Variants in FIG4 observed in about 807,000 individuals in gnomAD.
FIG4 encodes the protein polyphosphoinositide phosphatase.
Under a neutral mutation model 118.6 loss-of-function variants are expected in FIG4, and 112 were observed. That is an observed-to-expected ratio of 0.94 (90% CI 0.81 to 1.11). The LOEUF is 1.11. FIG4 is among the 50% of genes least tolerant of loss of function. FIG4 has a pLI of 0.00. For synonymous variants in FIG4, 369 were observed against 381.2 expected (o/e 0.97, Z 0.37); for missense variants, 969 against 1,111.7 (o/e 0.87, Z 1.83).
At chr6:109,743,393 T>A in intron 9 of FIG4, 121 bp downstream of exon 9, 1 of 935,680 alleles carries the variant, frequency 1.1e-6, no homozygotes, top group Non-Finnish European at 1.7e-6. Flanking sequence ...GGAAGGTAGA[T>A]AATTTAGAAG....
intron 22 of FIG4, among the ~76,000 whole-genome samples, chr6:109,802,624 T>C (rs1252568491): frequency 2.6e-5 from 4 of 152,244 alleles, no homozygotes; most frequent in Non-Finnish European, 5.9e-5. Flanking sequence ...GCATCTCTTC[T>C]GGATCCACAA....
chr6:109,798,958 G>A (rs1179325469), intron 22 of FIG4, among the ~76,000 whole-genome samples: 2 of 152,096 alleles, frequency 1.3e-5, no homozygotes, highest in African/African-American at 2.4e-5. Flanking sequence ...AAATGTGCTA[G>A]TAAAATAAGA....
intron 16 of FIG4, among the ~76,000 whole-genome samples, chr6:109,781,632 T>C (rs1777805681): frequency 6.6e-6 from 1 of 151,534 alleles, no homozygotes; most frequent in Non-Finnish European, 1.5e-5. Context: ...CTGTTAGAAC[T>C]CCTAAGTCTT....
At chr6:109,766,998 A>G in intron 15 of FIG4, 103 bp downstream of exon 15, 1 of 968,770 alleles carries the variant, frequency 1.0e-6, no homozygotes, top group Non-Finnish European at 1.6e-6. Context: ...TTAATATTTT[A>G]AAAGTTTAAA....
intron 1 of FIG4, among the ~76,000 whole-genome samples, chr6:109,712,088 T>C (rs536238625): frequency 1.6e-3 from 251 of 152,366 alleles, no homozygotes; most frequent in African/African-American, 5.9e-3. Flanking sequence ...TGGCCCCCAA[T>C]CTCTTCTGGC....
chr6:109,712,227 G>A (rs1038153784), intron 1 of FIG4, among the ~76,000 whole-genome samples: 1 of 152,276 alleles, frequency 6.6e-6, no homozygotes, highest in Admixed American at 6.5e-5. Context: ...TGATGATAAT[G>A]TGCCTTGGGG....
intron 15 of FIG4, among the ~76,000 whole-genome samples, chr6:109,775,271 C>T (rs984597613): frequency 2.6e-5 from 4 of 152,156 alleles, no homozygotes; most frequent in African/African-American, 9.7e-5. Flanking sequence ...CTCATTAGGG[C>T]TGGCCTTATA....
chr6:109,721,213 C>T (rs1298567608), intron 3 of FIG4, among the ~76,000 whole-genome samples: 1 of 152,036 alleles, frequency 6.6e-6, no homozygotes, highest in Non-Finnish European at 1.5e-5. Context: ...AGTGAAAACA[C>T]CAAAAAAGTG....
chr6:109,700,321 G>GT (rs1774868679), intron 1 of FIG4, among the ~76,000 whole-genome samples: 1 of 152,072 alleles, frequency 6.6e-6, no homozygotes, highest in South Asian at 2.1e-4. Context: ...AGATAAAGCA[G>GT]TATATCCTTA....
chr6:109,783,490 G>A lies in FIG4; in HGVS notation c.1890-1480G>A, dbSNP rs1051877786. On this transcript the variant is annotated intron_variant, in intron 16 of 22. Coordinates refer to ENST00000230124, the MANE Select transcript of FIG4 (RefSeq NM_014845.6). ...CTCTTGTGTTTTTTCTTTCAGGTGC[G>A]AAACTTGTTATGGCTAGGGAGGATA... Among the ~76,000 whole-genome samples the A allele has an allele frequency of 2.0e-5, 3 of 152,120 alleles. 1 individual carries two copies. The highest frequency in any genetic ancestry group is 1.3e-4 in the Admixed American group (2 of 15,272).
intron 7 of FIG4, among the ~76,000 whole-genome samples, chr6:109,739,348 T>C (rs1391786809): frequency 1.3e-5 from 2 of 152,164 alleles, no homozygotes; most frequent in Non-Finnish European, 2.9e-5. Context: ...GCATGTACCA[T>C]CTAGAAGTGG....
intron 21 of FIG4, among the ~76,000 whole-genome samples, chr6:109,795,095 GTTTTTTTTTTTTTTTTTTTTTTTT>G (rs571649446): frequency 1.2e-4 from 7 of 57,194 alleles, no homozygotes; most frequent in Non-Finnish European, 2.4e-4. Flanking sequence ...ACACTTGCCA[GTTTTTTTTTTTTTTTTTTTTTTTT>G]TTTTTTTTTT....
intron 22 of FIG4, among the ~76,000 whole-genome samples, chr6:109,823,150 G>T (rs1175425638): frequency 1.3e-5 from 2 of 152,080 alleles, no homozygotes; most frequent in Admixed American, 6.6e-5. Context: ...TTGCCAGACT[G>T]CAGTGTCTTT....
intron 18 of FIG4, among the ~76,000 whole-genome samples, chr6:109,788,508 C>G (rs960723279): frequency 3.3e-5 from 5 of 152,172 alleles, no homozygotes; most frequent in Non-Finnish European, 7.4e-5. Flanking sequence ...TGTTCAGCCT[C>G]AGCTGAGAAC....
At chr6:109,808,863 G>A (rs1361183663) in intron 22 of FIG4, among the ~76,000 whole-genome samples, 4 of 151,934 alleles carry the variant, frequency 2.6e-5, no homozygotes, top group Admixed American at 1.3e-4. Context: ...GAGATCAGTA[G>A]CAGTCTTAAC....
At chr6:109,773,892 T>G (rs1398030420) in intron 15 of FIG4, among the ~76,000 whole-genome samples, 1 of 152,120 alleles carries the variant, frequency 6.6e-6, no homozygotes, top group African/African-American at 2.4e-5. Context: ...GGCTGGTTCC[T>G]AACTCCTGGG....
At chr6:109,761,254 G>A (rs1013644528) in intron 11 of FIG4, among the ~76,000 whole-genome samples, 6 of 151,580 alleles carry the variant, frequency 4.0e-5, no homozygotes, top group Non-Finnish European at 5.9e-5. Flanking sequence ...GCAGTGGTAC[G>A]ATCTCAGCTT....
Position 109,716,531 on chromosome 6 carries a change from G to A in FIG4, c.252G>A (p.Ser84=), listed in dbSNP as rs532895784. ...CAAAGATGGGACAGAAAGGATCCTC[G>A]GGCTTATTTCGAGCGGTTTCAGCTT... ...NRTKMGQKGS[S]GLFRAVSAFG... Residue 84 remains serine (S), a synonymous_variant, in exon 3 of 23, where the codon TCG becomes TCA. Transcript: ENST00000230124. 34 of 1,613,900 alleles carry A rather than the reference G, an allele frequency of 2.1e-5. No homozygotes were observed. Among genetic ancestry groups the A allele is most frequent in the African/African-American group, 4.0e-5 (3 of 75,030 alleles).
At chr6:109,801,437 A>G (rs181533340) in intron 22 of FIG4, among the ~76,000 whole-genome samples, 1 of 152,014 alleles carries the variant, frequency 6.6e-6, no homozygotes, top group East Asian at 1.9e-4. Flanking sequence ...AATCCCAGCT[A>G]CTCGGGAGGC....
Sources: gnomAD v4.1 joint callset for allele counts (sites outside exome capture counted in the v4.1 genomes callset) on GRCh38, gnomAD v4.1.1 for gene constraint, MANE v1.5 for transcripts, NCBI Gene and HGNC (gene_info 2026-07-23, HGNC 2026-07-21) for gene names.